Variants in ASRGL1 observed in about 807,000 individuals in gnomAD.
ASRGL1 encodes the protein isoaspartyl peptidase/L-asparaginase.
ASRGL1 carries 16 observed loss-of-function variants against 22.4 expected under a neutral mutation model. The observed-to-expected ratio is 0.71, with a 90% CI of 0.48 to 1.08. The LOEUF (loss-of-function observed/expected upper bound fraction) is 1.08, where lower values mean the gene tolerates loss of function less well. Ranked by LOEUF, ASRGL1 falls within the 50% of genes least tolerant of loss-of-function variation. The pLI is 0.00. For missense variants in ASRGL1, 412 were observed against 410.1 expected (o/e 1.00, Z -0.04); for synonymous variants, 165 against 159.3 (o/e 1.04, Z -0.27).
At chr11:62,383,652 T>C (rs1332446840) in intron 4 of ASRGL1, among the ~76,000 whole-genome samples, 2 of 137,848 alleles carry the variant, frequency 1.5e-5, no homozygotes, top group Non-Finnish European at 3.1e-5. Flanking sequence ...CCAGGCTTGG[T>C]GGCTCACGCC....
In ASRGL1 at chr11:62,391,545, G is replaced by A. The variant is rs750771211; in HGVS notation, c.634G>A (p.Asp212Asn). The A allele has an allele frequency of 2.7e-5, 43 of 1,612,126 alleles. 1 individual carries two copies. The South Asian group carries it at 4.3e-4, about 16-fold the overall frequency. Residue 212 changes from aspartate to asparagine, a missense_variant, in exon 6 of 7, where the codon GAC becomes AAC. Coordinates refer to ENST00000415229, the MANE Select transcript of ASRGL1 (RefSeq NM_001083926.2). ...CLGAGGYADN[D>N]IGAVSTTGHG... is the part of the protein sequence containing the mutation. ...AGGAGCTGGAGGTTATGCCGACAAT[G>A]ACATCGGAGCCGTCTCAACCACAGG...
chr11:62,371,595 A>C, intron 4 of ASRGL1: 1 of 676,052 alleles, frequency 1.5e-6, no homozygotes, highest in Non-Finnish European at 2.8e-6. Context: ...ACTTCCTCAC[A>C]AAGTGCAAAG....
intron 2 of ASRGL1, among the ~76,000 whole-genome samples, chr11:62,353,680 A>T (rs191406189): frequency 9.1e-4 from 138 of 152,258 alleles, no homozygotes; most frequent in African/African-American, 2.6e-3. Flanking sequence ...TAATTCCAAC[A>T]TCTGTGTCAT....
chr11:62,395,917 G>A (rs1243972135), downstream of ASRGL1, among the ~76,000 whole-genome samples: 4 of 151,416 alleles, frequency 2.6e-5, no homozygotes, highest in African/African-American at 2.4e-5. Flanking sequence ...GATTACAGGC[G>A]CCCGCCACCA....
chr11:62,386,580 C>T (rs1022436141), intron 4 of ASRGL1, among the ~76,000 whole-genome samples: 3 of 90,194 alleles, frequency 3.3e-5, no homozygotes, highest in Admixed American at 1.2e-4. Flanking sequence ...GGTCTTGGAA[C>T]GTATCCCCTG....
At chr11:62,381,797 GT>G (rs1370106848) in intron 4 of ASRGL1, 1 of 152,136 alleles carries the variant, frequency 6.6e-6, no homozygotes, top group Non-Finnish European at 1.5e-5. Context: ...GTTACCCTAG[GT>G]TCTTCCGAGG....
intron 4 of ASRGL1, among the ~76,000 whole-genome samples, chr11:62,362,539 AT>A (rs1946467626): frequency 1.2e-4 from 6 of 50,666 alleles, no homozygotes; most frequent in Admixed American, 4.3e-4. Flanking sequence ...TATATATTAT[AT>A]AAAATATATA....
At chr11:62,382,441 T>G (rs571700895) in intron 4 of ASRGL1, 1 of 152,152 alleles carries the variant, frequency 6.6e-6, no homozygotes, top group South Asian at 2.1e-4. Flanking sequence ...TTGATGTGCA[T>G]GTATACAAAC....
intron 4 of ASRGL1, chr11:62,371,288 G>T: frequency 7.2e-7 from 1 of 1,381,720 alleles, no homozygotes; most frequent in Non-Finnish European, 9.5e-7. Context: ...AGCAGCAGCA[G>T]CGGCGACGAG....
Position 62,338,284 on chromosome 11 carries a change from G to T in ASRGL1, c.190+117G>T, listed in dbSNP as rs77061537. 6.0e-3 allele frequency: 6,423 copies of T among 1,064,514 alleles called. 417 individuals are homozygous for T. In the East Asian group the frequency reaches 0.14, roughly 24 times the overall value. The allele number at this position is 1,064,514 out of a possible 1,614,324, so 65.9% of individuals were successfully genotyped here. On this transcript the variant is annotated intron_variant, in intron 2 of 6. Transcript: ENST00000415229. ...TGAGCTTTGGGGTGAAACTAAGTAT[G>T]TAAAAAAGAAACAATATTTAATTTT...
chr11:62,386,996 G>A (rs188690955), intron 4 of ASRGL1, among the ~76,000 whole-genome samples: 71 of 151,426 alleles, frequency 4.7e-4, no homozygotes, highest in Admixed American at 3.7e-3. Context: ...GGGTTCAAGC[G>A]ATTCTTCTGC....
intron 2 of ASRGL1, among the ~76,000 whole-genome samples, chr11:62,344,758 T>G (rs1945970495): frequency 1.3e-5 from 2 of 152,236 alleles, no homozygotes; most frequent in Non-Finnish European, 2.9e-5. Context: ...TTTTAGTTAT[T>G]TTAAGATGTA....
chr11:62,368,685 A>G (rs527701669), intron 4 of ASRGL1, among the ~76,000 whole-genome samples: 2 of 152,086 alleles, frequency 1.3e-5, no homozygotes, highest in South Asian at 2.1e-4. Flanking sequence ...TATCTCTGCC[A>G]TCTCGGAGAG....
chr11:62,337,796 G>A (rs1945758681), intron 1 of ASRGL1, 94 bp from the exon 2 acceptor site: 1 of 584,148 alleles, frequency 1.7e-6, no homozygotes, highest in Admixed American at 3.7e-5. Context: ...CCGGGCCCCT[G>A]GGCTTTTCGT....
intron 2 of ASRGL1, among the ~76,000 whole-genome samples, chr11:62,346,710 C>T (rs1946032553): frequency 1.3e-5 from 2 of 152,164 alleles, no homozygotes; most frequent in Non-Finnish European, 2.9e-5. Flanking sequence ...TGACTCACAC[C>T]TGTAATCCCA....
intron 2 of ASRGL1, among the ~76,000 whole-genome samples, chr11:62,354,028 C>A (rs1946222454): frequency 6.6e-6 from 1 of 152,174 alleles, no homozygotes; most frequent in African/African-American, 2.4e-5. Context: ...GTTAAACTGG[C>A]ATGTAATCAG....
intron 4 of ASRGL1, among the ~76,000 whole-genome samples, chr11:62,386,233 G>A (rs1290896170): frequency 2.0e-5 from 3 of 152,122 alleles, no homozygotes; most frequent in Non-Finnish European, 4.4e-5. Context: ...GAGGTCAGGA[G>A]TTTGAGACTG....
intron 4 of ASRGL1, among the ~76,000 whole-genome samples, chr11:62,385,513 T>TA (rs1325868676): frequency 3.3e-5 from 5 of 152,216 alleles, no homozygotes; most frequent in Non-Finnish European, 5.9e-5. Context: ...AATAAAATTT[T>TA]AAAAAATCCC....
At chr11:62,347,509 C>T (rs1191101245) in intron 2 of ASRGL1, among the ~76,000 whole-genome samples, 1 of 152,122 alleles carries the variant, frequency 6.6e-6, no homozygotes, top group African/African-American at 2.4e-5. Context: ...AGATAACTTA[C>T]CACTTTGGCG....
Sources: gnomAD v4.1 joint callset for allele counts (sites outside exome capture counted in the v4.1 genomes callset) on GRCh38, gnomAD v4.1.1 for gene constraint, MANE v1.5 for transcripts, NCBI Gene and HGNC (gene_info 2026-07-23, HGNC 2026-07-21) for gene names.